The following AGO1 variants were observed in gnomAD, a reference collection of about 807,000 sequenced individuals.
AGO1 encodes the protein argonaute RISC component 1.
AGO1 carries 11 observed loss-of-function variants against 109.2 expected under a neutral mutation model. That is an observed-to-expected ratio of 0.10 (90% CI 0.06 to 0.17). The LOEUF (loss-of-function observed/expected upper bound fraction) is 0.17, where lower values mean the gene tolerates loss of function less well. AGO1 is among the 10% of genes least tolerant of loss of function. AGO1 has a pLI of 1.00. For missense variants in AGO1, 574 were observed against 1,140.3 expected, an observed-to-expected ratio of 0.50 and a Z score of 7.15; for synonymous variants, 422 against 418.6, an observed-to-expected ratio of 1.01 and a Z score of -0.10.
At chr1:35,881,414 C>T (rs976432544), upstream of AGO1, among the ~76,000 whole-genome samples, 18 of 152,084 alleles carry the variant, frequency 1.2e-4, no homozygotes, top group African/African-American at 2.7e-4. Context: ...TCCCCCTCCC[C>T]GGTTCAAGCT....
chr1:35,872,268 C>T (rs373462414), intron 1 of AGO1, among the ~76,000 whole-genome samples: 6 of 150,626 alleles, frequency 4.0e-5, no homozygotes, highest in East Asian at 2.0e-4. Context: ...TCACTGCAGC[C>T]TCTGCCTCCC....
intron 11 of AGO1, among the ~76,000 whole-genome samples, chr1:35,902,894 C>T (rs188953305): frequency 1.3e-4 from 20 of 152,034 alleles, no homozygotes; most frequent in Admixed American, 1.2e-3. Flanking sequence ...TCTGTGCCAC[C>T]GTAGCTGGGA....
chr1:35,893,374 T>TAAA lies in AGO1; in HGVS notation c.512+105_512+107dup. 2 of 1,090,886 alleles carry TAAA rather than the reference T, an allele frequency of 1.8e-6. No individual in the cohort carries two copies. The highest frequency in any genetic ancestry group is 2.5e-6 in the Non-Finnish European group (2 of 805,252). 67.6% of individuals were successfully genotyped at this position (1,090,886 alleles called of 1,614,324 possible). On this transcript the variant is annotated intron_variant, in intron 4 of 18. Coordinates refer to ENST00000373204, the MANE Select transcript of AGO1 (RefSeq NM_012199.5). The surrounding 1 kb of genome is among the most constrained non-coding windows in gnomAD (Gnocchi z 5.6). The stretch of plus-strand genomic sequence containing the variant: ...ATATTAAGGTCCCACAGAGTGCCAT[T>TAAA]AAAAAAAAAAATTATTTGAAGCCCT...
rs1173872939 is a variant in AGO1 at position 35,926,323 on chromosome 1, C to T, written c.*6716C>T. 6.6e-6 allele frequency: 1 copy of T among 152,220 alleles called. No individual in the cohort carries two copies. The highest frequency in any genetic ancestry group is 1.5e-5 in the Non-Finnish European group (1 of 68,054). 9.4% of individuals were successfully genotyped at this position (152,220 alleles called of 1,614,324 possible). A position where few individuals can be genotyped will look rare whatever the true frequency, so the allele number is the denominator to read the frequency against. On this transcript the variant is annotated 3_prime_UTR_variant, in exon 19 of 19. Coordinates refer to ENST00000373204, the MANE Select transcript of AGO1 (RefSeq NM_012199.5). ...CTCAAGGTTTTCAGTGAAGGCTTGT[C>T]CTGGCACCTCTGGGCATTCCTTTTC...
At chr1:35,892,809 G>T in intron 3 of AGO1, 132 bp downstream of exon 3, 4 of 1,294,116 alleles carry the variant, frequency 3.1e-6, no homozygotes, top group Non-Finnish European at 4.3e-6. Context: ...GTGAGGGGTG[G>T]GTAGGTGCTG....
rs955855642 is a variant in AGO1 at position 35,928,086 on chromosome 1, G to A, written c.*8479G>A. The A allele has an allele frequency of 6.6e-6, 1 of 152,226 alleles. No homozygotes were observed. The highest frequency in any genetic ancestry group is 2.4e-5 in the African/African-American group (1 of 41,440). The allele number at this position is 152,226 out of a possible 1,614,324, so 9.4% of individuals were successfully genotyped here. ...CAGAGTAGAATAATAGCGGCAGCAG[G>A]GAGGGAAGTGTGAACTGTGTGTCCC... On this transcript the variant is annotated 3_prime_UTR_variant, in exon 19 of 19. Coordinates refer to ENST00000373204, the MANE Select transcript of AGO1 (RefSeq NM_012199.5).
rs1393193309 is a variant in AGO1, at chr1:35,909,296, T to C, written c.1582+2177T>C. 2.0e-5 allele frequency among the ~76,000 whole-genome samples: 3 copies of C among 152,372 alleles called. No individual in the cohort carries two copies. The East Asian group carries it at 5.8e-4, about 29-fold the overall frequency. On this transcript the variant is annotated intron_variant, in intron 12 of 18. Coordinates refer to ENST00000373204, the MANE Select transcript of AGO1 (RefSeq NM_012199.5). The stretch of plus-strand genomic sequence containing the variant: ...CACTCATACTGGAATGATTGCTGGT[T>C]CTGGAATTGTTGAAGAGAGCTGAAT...
chr1:35,912,250 T>C (rs1453409478), intron 12 of AGO1, among the ~76,000 whole-genome samples: 1 of 150,364 alleles, frequency 6.7e-6, no homozygotes, highest in Non-Finnish European at 1.5e-5. Flanking sequence ...TCCCAGCTAC[T>C]CAGGAGGCTG....
intron 1 of AGO1, among the ~76,000 whole-genome samples, chr1:35,875,340 C>T (rs1333774653): frequency 6.6e-6 from 1 of 152,118 alleles, no homozygotes; most frequent in Admixed American, 6.5e-5. Flanking sequence ...GTCTACTCTG[C>T]CTGTGCTCTA....
At chr1:35,895,520 C>T (rs868376394) in intron 8 of AGO1, among the ~76,000 whole-genome samples, 4 of 152,114 alleles carry the variant, frequency 2.6e-5, no homozygotes, top group Non-Finnish European at 4.4e-5. Flanking sequence ...GTAATTAGTT[C>T]GTAGAGGACA....
intron 8 of AGO1, among the ~76,000 whole-genome samples, chr1:35,896,149 G>A (rs1214767060): frequency 1.3e-5 from 2 of 151,882 alleles, no homozygotes; most frequent in East Asian, 1.9e-4. Context: ...ACAGGCATGC[G>A]CCACCACACC....
chr1:35,885,158 C>G (rs975713590), intron 1 of AGO1, among the ~76,000 whole-genome samples: 7 of 152,116 alleles, frequency 4.6e-5, no homozygotes, highest in Admixed American at 1.3e-4. Context: ...AGTACTTCCT[C>G]TCTGTCAGGA....
At chr1:35,906,833 C>T in intron 11 of AGO1, 102 bp from the exon 12 acceptor site, 3 of 846,368 alleles carry the variant, frequency 3.5e-6, no homozygotes, top group African/African-American at 1.7e-5. Context: ...AAACCAATCT[C>T]TCAGTGCCTC....
At chr1:35,915,250 C>A in intron 14 of AGO1, 98 bp from the exon 15 acceptor site, 1 of 1,014,864 alleles carries the variant, frequency 9.9e-7, no homozygotes, top group South Asian at 1.5e-5. Context: ...CCTAGTCATT[C>A]AGTTGTAGTT....
exon 1 of AGO1, chr1:35,869,841 C>T (rs1353312396): frequency 6.7e-6 from 1 of 150,154 alleles, no homozygotes; most frequent in Non-Finnish European, 1.5e-5. Flanking sequence ...GTGAGGCCCA[C>T]GCAGAACTCG....
At chr1:35,889,727 C>T (rs1318333979) in intron 2 of AGO1, among the ~76,000 whole-genome samples, 2 of 151,968 alleles carry the variant, frequency 1.3e-5, no homozygotes, top group East Asian at 1.9e-4. Context: ...AGTGCAGTGG[C>T]GCCATCTCAG....
chr1:35,889,270 A>G (rs915166514), intron 2 of AGO1, among the ~76,000 whole-genome samples: 7 of 148,482 alleles, frequency 4.7e-5, no homozygotes, highest in African/African-American at 1.0e-4. Flanking sequence ...CTGGAGTGCA[A>G]TGGCGCGATC....
At chr1:35,879,483 C>A (rs971396036), upstream of AGO1, among the ~76,000 whole-genome samples, 1 of 150,662 alleles carries the variant, frequency 6.6e-6, no homozygotes, top group Non-Finnish European at 1.5e-5. Flanking sequence ...TGCAGCTGGG[C>A]GCAGTGGCTC....
upstream of AGO1, chr1:35,883,139 T>C: frequency 9.0e-7 from 1 of 1,108,610 alleles, no homozygotes; most frequent in Non-Finnish European, 1.1e-6. The surrounding 1 kb of genome is among the most constrained non-coding windows in gnomAD (Gnocchi z 5.4). Context: ...CCATTGGCCT[T>C]TGTTGCCGTC....
Sources: allele counts gnomAD v4.1 joint callset (sites outside exome capture counted in the v4.1 genomes callset), GRCh38; gene constraint gnomAD v4.1.1; non-coding constraint Gnocchi (gnomAD v3.1); transcripts MANE v1.5; gene names NCBI Gene and HGNC (gene_info 2026-07-23, HGNC 2026-07-21).